RHBDF1: variants seen among roughly 807,000 people sequenced by gnomAD.
RHBDF1 encodes the protein rhomboid 5 homolog 1.
A neutral mutation model predicts 98.6 loss-of-function variants in RHBDF1; 80 were observed. That is an observed-to-expected ratio of 0.81 (90% CI 0.68 to 0.98). The LOEUF (loss-of-function observed/expected upper bound fraction) is 0.98. Among genes scored for constraint, RHBDF1 ranks in the 50% least tolerant of loss-of-function variants. RHBDF1 has a pLI of 0.00. For synonymous variants in RHBDF1, 512 were observed against 486.8 expected (o/e 1.05, Z -0.68); for missense variants, 1,116 against 1,198.3 (o/e 0.93, Z 1.01).
intron 7 of RHBDF1, 124 bp from the exon 8 acceptor site, chr16:62,176 G>A: frequency 7.6e-7 from 1 of 1,324,486 alleles, no homozygotes. Flanking sequence ...CCCGGCATCT[G>A]CCTTCTCCTT....
intron 11 of RHBDF1, chr16:60,916 A>C: frequency 1.6e-6 from 1 of 613,174 alleles, no homozygotes; most frequent in Non-Finnish European, 2.8e-6. Context: ...TCAAAAGACC[A>C]AATCAGATGA....
At chr16:60,306 C>T (rs111978062) in intron 12 of RHBDF1, 27 bp from the exon 13 acceptor site, 2 of 1,613,610 alleles carry the variant, frequency 1.2e-6, no homozygotes, top group Non-Finnish European at 8.5e-7. Flanking sequence ...TGTGGTCAGA[C>T]CGGCTTCGAG....
chr16:64,558 G>A, intron 3 of RHBDF1, 141 bp downstream of exon 3: 2 of 1,544,630 alleles, frequency 1.3e-6, no homozygotes, highest in South Asian at 1.3e-5. Flanking sequence ...CAGGAGGAGG[G>A]CAAGGGGATG....
At chr16:74,524 AT>A (rs1446521215), upstream of RHBDF1, among the ~76,000 whole-genome samples, 1 of 152,130 alleles carries the variant, frequency 6.6e-6, no homozygotes, top group African/African-American at 2.4e-5. Flanking sequence ...AGTGGGGAGC[AT>A]GCCCCAGTCT....
At chr16:72,754 C>A (rs1162325907), upstream of RHBDF1, 4 of 918,814 alleles carry the variant, frequency 4.4e-6, no homozygotes, top group East Asian at 4.7e-4. Flanking sequence ...CCCGGAAGGC[C>A]GCCGGGCTCC....
intron 3 of RHBDF1, 77 bp from the exon 4 acceptor site, chr16:63,877 GGCA>G: frequency 3.6e-6 from 4 of 1,121,906 alleles, no homozygotes; most frequent in Non-Finnish European, 4.9e-6. Flanking sequence ...CCTCCTCCGG[GGCA>G]GCATGCTGCC....
upstream of RHBDF1, among the ~76,000 whole-genome samples, chr16:73,720 C>CA (rs1452341392): frequency 1.3e-5 from 2 of 152,134 alleles, no homozygotes; most frequent in African/African-American, 4.8e-5. Flanking sequence ...GGTGCCCCCC[C>CA]ATGCCTCGGA....
At position 61,962 on chromosome 16, in the gene RHBDF1, C is replaced by G. The variant is rs201123556; in HGVS notation, c.1044G>C (p.Ala348=). The change falls in exon 8 of 18, where the codon GCG becomes GCC. Residue 348 remains alanine (A), a synonymous_variant. Transcript: ENST00000262316. ...CGATACGCTGGCCCCGTCGCGGCCC[C>G]GCGGTGCTCACCACCTCCTGTCGGA... The part of the protein sequence containing the change: ...VRLRQEVVST[A]GPRRGQRIAV... 3.8e-4 allele frequency: 600 copies of G among 1,592,994 alleles called. No homozygotes were observed. The highest frequency in any genetic ancestry group is 4.9e-4 in the Non-Finnish European group (572 of 1,177,378).
At chr16:61,060 G>A (rs1897594195) in intron 11 of RHBDF1, 60 bp downstream of exon 11, 1 of 1,483,242 alleles carries the variant, frequency 6.7e-7, no homozygotes, top group Non-Finnish European at 9.0e-7. Context: ...GAGTCTATCT[G>A]AGGTCTGAAG....
upstream of RHBDF1, chr16:75,033 G>C (rs2141877644): frequency 6.6e-6 from 1 of 152,540 alleles, no homozygotes; most frequent in South Asian, 2.1e-4. Context: ...ACGAAACTCA[G>C]GATTGTACCC....
chr16:73,224 G>T (rs1280598360), upstream of RHBDF1, among the ~76,000 whole-genome samples: 2 of 151,960 alleles, frequency 1.3e-5, no homozygotes, highest in African/African-American at 4.8e-5. Flanking sequence ...GTACATACAC[G>T]TGCACACACA....
chr16:72,196 T>C (rs1897989313), intron 1 of RHBDF1, among the ~76,000 whole-genome samples: 2 of 152,206 alleles, frequency 1.3e-5, no homozygotes, highest in South Asian at 4.1e-4. Flanking sequence ...GGGCGGGGGC[T>C]GGAGCCGAGC....
Position 59,765 on chromosome 16 carries a change from G to A in RHBDF1, c.1784C>T (p.Thr595Ile), listed in dbSNP as rs1596464841. The change falls in exon 14 of 18, where the codon ACA (threonine) becomes ATA (isoleucine). Residue 595 changes from threonine to isoleucine, a missense_variant. By Grantham distance (89) the Thr-to-Ile change is moderately conservative. Transcript: ENST00000262316. ...TNHPHMDCVI[T>I]GRPCCIGTKG... The stretch of plus-strand genomic sequence containing the variant: ...GGTGCCAATGCAGCAGGGCCGTCCT[G>A]TGATGACACAGTCCATGTGGGGATG... 2 of 1,614,172 alleles carry A rather than the reference G, an allele frequency of 1.2e-6. No individual in the cohort carries two copies. The highest frequency in any genetic ancestry group is 1.7e-6 in the Non-Finnish European group (2 of 1,180,034).
intron 3 of RHBDF1, chr16:64,037 T>G: frequency 1.5e-6 from 1 of 681,724 alleles, no homozygotes; most frequent in Non-Finnish European, 2.7e-6. Flanking sequence ...GAGTGCTTCA[T>G]AGAGGCCCTC....
chr16:69,024 G>A (rs1228616992), intron 1 of RHBDF1, among the ~76,000 whole-genome samples: 1 of 152,186 alleles, frequency 6.6e-6, no homozygotes, highest in Admixed American at 6.5e-5. Flanking sequence ...TGGCACAGTA[G>A]CAGCGGCTGA....
In RHBDF1 at chr16:62,520, C is replaced by T. The variant is rs1897673793; in HGVS notation, c.953+18G>A. ...CCGGGGTCTCTCTCTGCCCCTCTTCCCTGCCTGCCGCACTCACAGCATCAG... is the reference window on the plus strand; with the variant it reads ...CCGGGGTCTCTCTCTGCCCCTCTTCTCTGCCTGCCGCACTCACAGCATCAG... On this transcript the variant is annotated intron_variant, in intron 7 of 17. Transcript: ENST00000262316. 6.2e-7 allele frequency: 1 copy of T among 1,609,670 alleles called. No homozygotes were observed. The highest frequency in any genetic ancestry group is 1.3e-5 in the African/African-American group (1 of 74,934).
At chr16:66,168 C>G (rs1897825335) in intron 1 of RHBDF1, among the ~76,000 whole-genome samples, 1 of 152,220 alleles carries the variant, frequency 6.6e-6, no homozygotes, top group Non-Finnish European at 1.5e-5. Flanking sequence ...CTGGCCAGAG[C>G]TGAAGCAATT....
upstream of RHBDF1, among the ~76,000 whole-genome samples, chr16:72,958 G>A (rs968691948): frequency 6.6e-6 from 1 of 152,086 alleles, no homozygotes; most frequent in Non-Finnish European, 1.5e-5. Context: ...GAGCAGGCAC[G>A]GGGTAAAGGG....
intron 1 of RHBDF1, among the ~76,000 whole-genome samples, chr16:67,127 G>A (rs989310518): frequency 6.6e-6 from 1 of 152,196 alleles, no homozygotes; most frequent in Admixed American, 6.5e-5. Context: ...GCCAGGAGGG[G>A]CCACCTCTGA....
Sources: gnomAD v4.1 joint callset for allele counts (sites outside exome capture counted in the v4.1 genomes callset) on GRCh38, gnomAD v4.1.1 for gene constraint, MANE v1.5 for transcripts, NCBI Gene and HGNC (gene_info 2026-07-23, HGNC 2026-07-21) for gene names.